ASH1L: variants seen among roughly 807,000 people sequenced by gnomAD.
The protein encoded by ASH1L is histone-lysine N-methyltransferase ASH1L.
ASH1L carries 23 observed loss-of-function variants against 269.0 expected under a neutral mutation model. The observed-to-expected ratio is 0.09, with a 90% CI of 0.06 to 0.12. ASH1L has a LOEUF of 0.12. Among genes scored for constraint, ASH1L ranks in the 10% least tolerant of loss-of-function variants. The pLI, the probability that ASH1L is intolerant of heterozygous loss-of-function variation, is 1.00. For missense variants in ASH1L, 2,912 were observed against 3,567.8 expected, an observed-to-expected ratio of 0.82 and a Z score of 4.68; for synonymous variants, 1,187 against 1,253.5, an observed-to-expected ratio of 0.95 and a Z score of 1.12.
At chr1:155,416,432 A>G (rs1005875446) in intron 5 of ASH1L, among the ~76,000 whole-genome samples, 34 of 151,898 alleles carry the variant, frequency 2.2e-4, no homozygotes, top group Non-Finnish European at 3.2e-4. Context: ...AAAATTTTAA[A>G]AGACAATTAT....
At chr1:155,540,116 G>GA (rs1670330061) in intron 1 of ASH1L, among the ~76,000 whole-genome samples, 1 of 151,652 alleles carries the variant, frequency 6.6e-6, no homozygotes. Context: ...TAAAATCTTT[G>GA]AATGTTTTCT....
At chr1:155,473,943 C>T (rs1331325428) in intron 3 of ASH1L, among the ~76,000 whole-genome samples, 2 of 152,146 alleles carry the variant, frequency 1.3e-5, no homozygotes, top group Non-Finnish European at 2.9e-5. Flanking sequence ...TCAAGGGATT[C>T]TCCTGCCTCA....
At chr1:155,497,646 T>C (rs1216306610) in intron 2 of ASH1L, among the ~76,000 whole-genome samples, 26 of 152,212 alleles carry the variant, frequency 1.7e-4, no homozygotes, top group Admixed American at 1.7e-3. Flanking sequence ...AAAGTTATAC[T>C]TGGATTTTCA....
intron 5 of ASH1L, among the ~76,000 whole-genome samples, chr1:155,426,050 G>A (rs1223596318): frequency 2.6e-5 from 4 of 151,572 alleles, no homozygotes; most frequent in Non-Finnish European, 5.9e-5. Context: ...CACCATGCCC[G>A]GCTAATTTTA....
intron 2 of ASH1L, among the ~76,000 whole-genome samples, chr1:155,515,138 G>A (rs917399519): frequency 6.6e-5 from 10 of 152,118 alleles, no homozygotes. Context: ...AAATTGATGA[G>A]ATGTACCAAA....
chr1:155,372,955 G>A (rs1300278826), intron 10 of ASH1L, among the ~76,000 whole-genome samples: 2 of 152,100 alleles, frequency 1.3e-5, no homozygotes, highest in African/African-American at 2.4e-5. Context: ...GCTCATGCCT[G>A]TAATCCCAGC....
At chr1:155,463,987 A>G (rs924213369) in intron 3 of ASH1L, among the ~76,000 whole-genome samples, 1 of 152,162 alleles carries the variant, frequency 6.6e-6, no homozygotes, top group African/African-American at 2.4e-5. Context: ...TGAATCTTCT[A>G]ATTCACTGAC....
At chr1:155,445,452 T>A (rs1662934842) in intron 4 of ASH1L, among the ~76,000 whole-genome samples, 2 of 152,126 alleles carry the variant, frequency 1.3e-5, no homozygotes, top group Middle Eastern at 3.4e-3. Context: ...TCCAAAGTGC[T>A]GAGATTACAG....
At chr1:155,431,492 T>A (rs1488149087) in intron 5 of ASH1L, among the ~76,000 whole-genome samples, 5 of 151,752 alleles carry the variant, frequency 3.3e-5, no homozygotes, top group African/African-American at 1.2e-4. Context: ...CCAGGTGCGG[T>A]GCTCACACCT....
rs1375605731 is a variant in ASH1L at position 155,361,005 on chromosome 1, C to T, written c.6687-596G>A. Among the ~76,000 whole-genome samples, 11 of 151,964 alleles carry T rather than the reference C, an allele frequency of 7.2e-5. No homozygotes were observed. The East Asian group carries it at 2.2e-3, about 30-fold the overall frequency. ...CCTGTAATCCCAGCACTTTGGGAGT[C>T]CGAGGCAGGTGGATCACCTGAGGTC... On this transcript the variant is annotated intron_variant, in intron 12 of 27. Coordinates refer to ENST00000392403, the MANE Select transcript of ASH1L (RefSeq NM_018489.3).
chr1:155,480,163 T>G lies in ASH1L; in HGVS notation c.2707A>C (p.Met903Leu). The G allele has an allele frequency of 6.2e-7, 1 of 1,614,162 alleles. No individual in the cohort carries two copies. The highest frequency in any genetic ancestry group is 2.2e-5 in the East Asian group (1 of 44,880). Residue 903 changes from methionine to leucine, a missense_variant, in exon 3 of 28, where the codon ATG becomes CTG. By Grantham distance (15) the Met-to-Leu change is conservative (BLOSUM62 2). This residue lies in a region of ASH1L where 715 missense variants were observed against 721.0 expected (regional missense o/e 0.99). Coordinates refer to ENST00000392403, the MANE Select transcript of ASH1L (RefSeq NM_018489.3). ...GCCACTGACAGTACAGGTGGCTTCA[T>G]CTTGACTGGTGACCTCATTTGCCTC... ...PKRQMRSPVK[M>L]KPPVLSVAPF...
chr1:155,535,947 G>A lies in ASH1L; in HGVS notation c.-99-14329C>T, dbSNP rs561952906. Among the ~76,000 whole-genome samples the A allele has an allele frequency of 3.2e-3, 491 of 151,412 alleles. 2 individuals are homozygous for A. Among genetic ancestry groups the A allele is most frequent in the African/African-American group, 0.011 (454 of 41,264 alleles). On this transcript the variant is annotated intron_variant, in intron 1 of 27. Coordinates refer to ENST00000392403, the MANE Select transcript of ASH1L (RefSeq NM_018489.3). ...TGGGAGGCAGAGATTGCAGTGAGCC[G>A]AGATCGTGCCATTGCACGCCAGCCT...
At chr1:155,467,012 T>C (rs184153915) in intron 3 of ASH1L, among the ~76,000 whole-genome samples, 1 of 152,304 alleles carries the variant, frequency 6.6e-6, no homozygotes, top group East Asian at 1.9e-4. Flanking sequence ...ATATTCATCA[T>C]CACTGAATGC....
chr1:155,478,608 A>G lies in ASH1L; in HGVS notation c.4262T>C (p.Leu1421Pro). Reference protein sequence around the residue: ...PPPSPSFTTPLPPPSYMHAGH... With the variant: ...PPPSPSFTTPPPPPSYMHAGH... ...AGCATGCATATAGGAAGGAGGTGGA[A>G]GTGGCGTGGTGAAAGAAGGAGATGG... The change falls in exon 3 of 28, where the codon CTT becomes CCT. Residue 1421 changes from leucine (L) to proline (P), a missense_variant. By Grantham distance (98) the Leu-to-Pro change is moderately conservative (BLOSUM62 -3). This residue lies in a region of ASH1L where 789 missense variants were observed against 897.6 expected (regional missense o/e 0.88). Coordinates refer to ENST00000392403, the MANE Select transcript of ASH1L (RefSeq NM_018489.3). This position sits in a 1 kb window ranked among gnomAD's most constrained non-coding sequence, Gnocchi z 4.6. The G allele has an allele frequency of 1.2e-6, 2 of 1,614,022 alleles. No individual in the cohort carries two copies. The highest frequency in any genetic ancestry group is 1.7e-6 in the Non-Finnish European group (2 of 1,179,994).
At chr1:155,360,038 C>T (rs558810716) in intron 13 of ASH1L, among the ~76,000 whole-genome samples, 4 of 152,048 alleles carry the variant, frequency 2.6e-5, no homozygotes, top group East Asian at 1.9e-4. Flanking sequence ...ATTACAGGTG[C>T]GCGCCACCAC....
At chr1:155,393,368 AG>A (rs1188697575) in intron 7 of ASH1L, among the ~76,000 whole-genome samples, 1 of 152,190 alleles carries the variant, frequency 6.6e-6, no homozygotes, top group African/African-American at 2.4e-5. Flanking sequence ...TCCACAGTCA[AG>A]AGAGTTAAGA....
chr1:155,459,726 T>G, intron 4 of ASH1L, 71 bp downstream of exon 4: 1 of 1,229,468 alleles, frequency 8.1e-7, no homozygotes, highest in Admixed American at 1.9e-5. Context: ...TTCTACAATA[T>G]TGTAACTCCT....
chr1:155,362,947 T>A (rs1655092108), intron 12 of ASH1L, among the ~76,000 whole-genome samples: 1 of 152,204 alleles, frequency 6.6e-6, no homozygotes, highest in Non-Finnish European at 1.5e-5. Context: ...TTAGTATTTT[T>A]CCATCCTGAA....
intron 4 of ASH1L, among the ~76,000 whole-genome samples, chr1:155,453,998 G>C (rs1037052653): frequency 6.6e-6 from 1 of 152,082 alleles, no homozygotes; most frequent in African/African-American, 2.4e-5. Context: ...CCAGCTACTC[G>C]GGAAGCTGAG....
Sources: gnomAD v4.1 joint callset for allele counts (sites outside exome capture counted in the v4.1 genomes callset) on GRCh38, gnomAD v4.1.1 for gene constraint, gnomAD v4.1.1 regional missense constraint, Gnocchi (gnomAD v3.1) non-coding constraint, MANE v1.5 for transcripts, NCBI Gene and HGNC (gene_info 2026-07-23, HGNC 2026-07-21) for gene names.